Variants in TPM3 observed in about 807,000 individuals in gnomAD.
The protein encoded by TPM3 is tropomyosin 3, also known as tropomyosin alpha-3 chain.
A neutral mutation model predicts 43.1 loss-of-function variants in TPM3; 16 were observed. The ratio of observed to expected loss-of-function variants is 0.37; its 90% CI spans 0.25 to 0.56. The LOEUF (loss-of-function observed/expected upper bound fraction) is 0.56, where lower values mean the gene tolerates loss of function less well. TPM3 is among the 20% of genes least tolerant of loss of function. The pLI is 0.77. For missense variants in TPM3, 176 were observed against 337.2 expected (o/e 0.52, Z 3.74); for synonymous variants, 101 against 116.9 (o/e 0.86, Z 0.88).
chr1:154,182,898 G>C (rs907954759), intron 2 of TPM3: 5 of 1,594,644 alleles, frequency 3.1e-6, no homozygotes, highest in Middle Eastern at 4.5e-4. Context: ...GGCCTTCAGA[G>C]GACCGTGCTC....
At chr1:154,184,918 A>C (rs917318119) in intron 2 of TPM3, among the ~76,000 whole-genome samples, 1 of 151,858 alleles carries the variant, frequency 6.6e-6, no homozygotes, top group African/African-American at 2.4e-5. Flanking sequence ...GTCTCAAAAA[A>C]ATAAAAAACA....
At chr1:154,172,262 G>A in intron 5 of TPM3, 1 of 792,494 alleles carries the variant, frequency 1.3e-6, no homozygotes. Flanking sequence ...ATGTCTGGCA[G>A]ACGGGAATGT....
At position 154,166,538 on chromosome 1, in the gene TPM3, A is replaced by G; in HGVS notation, c.*1399T>C. The G allele has an allele frequency of 9.5e-7, 1 of 1,058,066 alleles. No homozygotes were observed. The highest frequency in any genetic ancestry group is 1.1e-6 in the Non-Finnish European group (1 of 874,794). The allele number at this position is 1,058,066 out of a possible 1,614,324, so 65.5% of individuals were successfully genotyped here. A position where few individuals can be genotyped will look rare whatever the true frequency, so the allele number is the denominator to read the frequency against. On this transcript the variant is annotated 3_prime_UTR_variant, in exon 10 of 10. Coordinates refer to ENST00000651641, the MANE Select transcript of TPM3 (RefSeq NM_152263.4). ...GCTACAGGCAGTACAGGCAAGTGCC[A>G]TTGCACCCAGCTAAAAGAAAAGCAA...
At chr1:154,181,687 A>C (rs1199567041) in intron 2 of TPM3, among the ~76,000 whole-genome samples, 3 of 152,236 alleles carry the variant, frequency 2.0e-5, no homozygotes, top group Non-Finnish European at 4.4e-5. Flanking sequence ...TGGGAGGCAG[A>C]GGTGGGTGGA....
rs764310855 is a variant in TPM3 at position 154,170,416 on chromosome 1, T to C, written c.759A>G (p.Thr253=). The change falls in exon 8 of 10, where the codon ACA becomes ACG. Residue 253 remains threonine (T), a synonymous_variant. Coordinates refer to ENST00000651641, the MANE Select transcript of TPM3 (RefSeq NM_152263.4). ...AERSVAKLEK[T]IDDLEDELYA... is the part of the protein sequence containing the mutation. ...GTTCCATACCTTCCAGGTCATCAAT[T>C]GTCTTTTCCAGCTTGGCTACCGATC... 3.7e-6 allele frequency: 6 copies of C among 1,614,168 alleles called. No individual in the cohort carries two copies. The South Asian group carries it at 6.6e-5, about 18-fold the overall frequency.
intron 2 of TPM3, among the ~76,000 whole-genome samples, chr1:154,190,107 A>C (rs1194624763): frequency 1.3e-5 from 2 of 151,898 alleles, no homozygotes; most frequent in Non-Finnish European, 1.5e-5. Context: ...ACACCTGGCT[A>C]ATTTTTGTAT....
At chr1:154,172,471 T>C (rs1171670308) in intron 5 of TPM3, 2 of 506,400 alleles carry the variant, frequency 3.9e-6, no homozygotes, top group African/African-American at 3.9e-5. Flanking sequence ...ACGCCCAGGC[T>C]GGCCTCCAAC....
At chr1:154,168,165 G>C (rs936864052) in intron 9 of TPM3, among the ~76,000 whole-genome samples, 1 of 152,200 alleles carries the variant, frequency 6.6e-6, no homozygotes, top group Non-Finnish European at 1.5e-5. Flanking sequence ...AACAGATGAA[G>C]CCCCAACAAC....
rs796729707 is a variant in TPM3 at position 154,166,832 on chromosome 1, C to A, written c.*1105G>T. ...GAGTAGCTGGGATTACAGGCACCCACCCACCATGCCCAGCTAATTTTTGTA... is the reference window on the plus strand; with the variant it reads ...GAGTAGCTGGGATTACAGGCACCCAACCACCATGCCCAGCTAATTTTTGTA... On this transcript the variant is annotated 3_prime_UTR_variant, in exon 10 of 10. Coordinates refer to ENST00000651641, the MANE Select transcript of TPM3 (RefSeq NM_152263.4). 6 of 305,824 alleles carry A rather than the reference C, an allele frequency of 2.0e-5. 1 individual carries two copies. Among genetic ancestry groups the A allele is most frequent in the African/African-American group, 1.4e-4 (6 of 44,370 alleles). The allele number at this position is 305,824 out of a possible 1,614,324, so 18.9% of individuals were successfully genotyped here. A position where few individuals can be genotyped will look rare whatever the true frequency, so the allele number is the denominator to read the frequency against.
intron 2 of TPM3, chr1:154,182,844 C>G (rs878918922): frequency 7.9e-7 from 1 of 1,267,842 alleles, no homozygotes; most frequent in Admixed American, 1.7e-5. Context: ...TGGTGCTGAG[C>G]CCCACCCATC....
chr1:154,156,728 G>C (rs892997101), downstream of TPM3: 1 of 198,416 alleles, frequency 5.0e-6, no homozygotes, highest in Non-Finnish European at 1.0e-5. Flanking sequence ...AGCACTGACT[G>C]ATACAAAGCA....
At chr1:154,180,304 C>G (rs1662803039) in intron 2 of TPM3, among the ~76,000 whole-genome samples, 1 of 152,088 alleles carries the variant, frequency 6.6e-6, no homozygotes, top group African/African-American at 2.4e-5. Flanking sequence ...GAGATACCAT[C>G]AGAGAGTGCA....
Position 154,190,853 on chromosome 1 carries a change from G to A in TPM3, c.243+333C>T, listed in dbSNP as rs1571455016. Among the ~76,000 whole-genome samples the A allele has an allele frequency of 2.0e-5, 3 of 152,172 alleles. No homozygotes were observed. In the East Asian group the frequency reaches 5.8e-4, roughly 29 times the overall value. ...AAAGCTAAGAATGTGGCATGGGGGA[G>A]GAGGTAGGATAAGTGACAGCATTCT... On this transcript the variant is annotated intron_variant, in intron 2 of 9. Transcript: ENST00000651641.
chr1:154,183,144 G>C, intron 2 of TPM3: 1 of 1,597,772 alleles, frequency 6.3e-7, no homozygotes, highest in Non-Finnish European at 8.5e-7. Flanking sequence ...TACTGCTCGC[G>C]CTCCGGTTCC....
At position 154,166,530 on chromosome 1, in the gene TPM3, C is replaced by G. The variant is rs897781868; in HGVS notation, c.*1407G>C. The G allele has an allele frequency of 4.7e-6, 5 of 1,057,894 alleles. No homozygotes were observed. The highest frequency in any genetic ancestry group is 1.1e-4 in the Admixed American group (2 of 18,478). 65.5% of individuals were successfully genotyped at this position (1,057,894 alleles called of 1,614,324 possible). ...CCCAAGAAGCTACAGGCAGTACAGG[C>G]AAGTGCCATTGCACCCAGCTAAAAG... On this transcript the variant is annotated 3_prime_UTR_variant, in exon 10 of 10. Transcript: ENST00000651641.
chr1:154,163,434 ACTT>A lies in TPM3; in HGVS notation c.*4500_*4502del, dbSNP rs1660596181. 6.6e-6 allele frequency among the ~76,000 whole-genome samples: 1 copy of A among 151,980 alleles called. No individual in the cohort carries two copies. On this transcript the variant is annotated 3_prime_UTR_variant, in exon 10 of 10. Transcript: ENST00000651641. ...CCCCTGAAAATGACTCCTCCTCTTCACTTCTTAACACTCAAAATGTACCCTCAA... is the reference window on the plus strand; with the variant it reads ...CCCCTGAAAATGACTCCTCCTCTTCACTTAACACTCAAAATGTACCCTCAA...
downstream of TPM3, among the ~76,000 whole-genome samples, chr1:154,160,065 G>C (rs1057170380): frequency 3.5e-4 from 50 of 143,202 alleles, no homozygotes; most frequent in African/African-American, 1.3e-3. Flanking sequence ...AAGCAGCTAA[G>C]TGCTCAAATC....
At position 154,166,905 on chromosome 1, in the gene TPM3, A is replaced by C. The variant is rs6673171; in HGVS notation, c.*1032T>G. On this transcript the variant is annotated 3_prime_UTR_variant, in exon 10 of 10. Coordinates refer to ENST00000651641, the MANE Select transcript of TPM3 (RefSeq NM_152263.4). ...ACCATGTTGGCCGAGCTGGTCTCGAACTCATGACCTCAGGTGATCCACCTG... is the reference window on the plus strand; with the variant it reads ...ACCATGTTGGCCGAGCTGGTCTCGACCTCATGACCTCAGGTGATCCACCTG... 0.3 allele frequency among the ~76,000 whole-genome samples: 46,107 copies of C among 151,964 alleles called. 7,859 individuals carry two copies. Among genetic ancestry groups the C allele is most frequent in the Admixed American group, 0.45 (6,938 of 15,278 alleles).
chr1:154,181,858 T>C (rs1571437399), intron 2 of TPM3, among the ~76,000 whole-genome samples: 1 of 151,816 alleles, frequency 6.6e-6, no homozygotes, highest in Non-Finnish European at 1.5e-5. Flanking sequence ...GAGGCGGAGG[T>C]TGCAATGAGC....
Sources: gnomAD v4.1 joint callset for allele counts (sites outside exome capture counted in the v4.1 genomes callset) on GRCh38, gnomAD v4.1.1 for gene constraint, MANE v1.5 for transcripts, NCBI Gene and HGNC (gene_info 2026-07-23, HGNC 2026-07-21) for gene names.